The following HRH1 variants were observed in gnomAD, a reference collection of about 807,000 sequenced individuals.
HRH1 encodes histamine H1 receptor.
A neutral mutation model predicts 10.3 loss-of-function variants in HRH1; 6 were observed. That is an observed-to-expected ratio of 0.58 (90% CI 0.32 to 1.15). The LOEUF (loss-of-function observed/expected upper bound fraction) is 1.15. Among genes scored for constraint, HRH1 ranks in the 50% most tolerant of loss-of-function variants. The pLI is 0.05. For synonymous variants in HRH1, 242 were observed against 236.7 expected (o/e 1.02, Z -0.21); for missense variants, 514 against 615.3 (o/e 0.84, Z 1.74).
At chr3:11,255,675 A>T (rs189234830) in intron 1 of HRH1, among the ~76,000 whole-genome samples, 2 of 152,316 alleles carry the variant, frequency 1.3e-5, no homozygotes, top group African/African-American at 4.8e-5. Context: ...AACATTCCTT[A>T]GGTCTGGGAA....
At chr3:11,157,370 A>G (rs1936830953) in intron 1 of HRH1, among the ~76,000 whole-genome samples, 2 of 152,228 alleles carry the variant, frequency 1.3e-5, no homozygotes. Context: ...CAGGCCGGGA[A>G]TTAGCTATAA....
intron 1 of HRH1, among the ~76,000 whole-genome samples, chr3:11,244,062 G>A (rs750371719): frequency 6.6e-6 from 1 of 152,152 alleles, no homozygotes; most frequent in Non-Finnish European, 1.5e-5. Context: ...TCCAGAGGTG[G>A]GCAGTCCTCG....
At chr3:11,147,644 C>G (rs1936483960) in intron 1 of HRH1, among the ~76,000 whole-genome samples, 1 of 152,198 alleles carries the variant, frequency 6.6e-6, no homozygotes, top group Admixed American at 6.5e-5. Context: ...CTCTTAATAA[C>G]CGTTCCCTCA....
At chr3:11,202,053 G>C (rs913622170) in intron 1 of HRH1, among the ~76,000 whole-genome samples, 1 of 152,278 alleles carries the variant, frequency 6.6e-6, no homozygotes, top group African/African-American at 2.4e-5. Context: ...AATACATACG[G>C]TTGAGTTTTG....
intron 1 of HRH1, among the ~76,000 whole-genome samples, chr3:11,204,493 A>G (rs1938044125): frequency 1.3e-5 from 2 of 152,160 alleles, no homozygotes; most frequent in Non-Finnish European, 2.9e-5. Context: ...GAGCCTTCCC[A>G]GGACTCAGAA....
chr3:11,175,308 C>G (rs1206219875), intron 1 of HRH1, among the ~76,000 whole-genome samples: 5 of 152,216 alleles, frequency 3.3e-5, no homozygotes, highest in Admixed American at 2.6e-4. Flanking sequence ...GGTCATTTAG[C>G]TGGTAAGCAA....
intron 1 of HRH1, among the ~76,000 whole-genome samples, chr3:11,178,789 C>T (rs973568846): frequency 4.6e-5 from 7 of 152,108 alleles, no homozygotes; most frequent in East Asian, 1.9e-4. Flanking sequence ...TTCCTTCATA[C>T]GTCCCTTGTC....
At chr3:11,258,856 G>A (rs1939854524) in intron 1 of HRH1, 147 bp from the exon 2 acceptor site, 3 of 561,682 alleles carry the variant, frequency 5.3e-6, no homozygotes, top group African/African-American at 3.7e-5. Context: ...GCATGAATAA[G>A]GAAAAGGGTA....
upstream of HRH1, among the ~76,000 whole-genome samples, chr3:11,151,343 A>G (rs962219331): frequency 4.6e-5 from 7 of 152,240 alleles, no homozygotes; most frequent in Non-Finnish European, 1.0e-4. Flanking sequence ...ACAGAGGGAG[A>G]CAGATTTATG....
intron 1 of HRH1, among the ~76,000 whole-genome samples, chr3:11,201,339 A>G (rs1189381249): frequency 6.6e-6 from 1 of 152,214 alleles, no homozygotes; most frequent in African/African-American, 2.4e-5. Context: ...AAGCCCTTTC[A>G]TAGGCAAAGG....
chr3:11,233,362 T>G (rs1228523320), intron 1 of HRH1, among the ~76,000 whole-genome samples: 1 of 152,242 alleles, frequency 6.6e-6, no homozygotes, highest in Non-Finnish European at 1.5e-5. Context: ...GTTCACTGAT[T>G]CTTTCCTCTG....
chr3:11,153,486 C>G (rs1239413599), upstream of HRH1, among the ~76,000 whole-genome samples: 1 of 152,106 alleles, frequency 6.6e-6, no homozygotes, highest in Non-Finnish European at 1.5e-5. Flanking sequence ...TAAAATACCC[C>G]TCTGACCCCC....
intron 1 of HRH1, among the ~76,000 whole-genome samples, chr3:11,257,337 C>T (rs1939808110): frequency 2.7e-5 from 4 of 149,796 alleles, no homozygotes; most frequent in South Asian, 2.1e-4. Flanking sequence ...GGGTGGATCA[C>T]CTGAGGTCAG....
At chr3:11,219,950 GTTTTTTT>G (rs552227637) in intron 1 of HRH1, among the ~76,000 whole-genome samples, 1 of 110,362 alleles carries the variant, frequency 9.1e-6, no homozygotes, top group African/African-American at 3.6e-5. Flanking sequence ...TTAATGTGTT[GTTTTTTT>G]TTTTTTTTTT....
intron 1 of HRH1, among the ~76,000 whole-genome samples, chr3:11,224,699 C>CA (rs60472027): frequency 0.013 from 1,354 of 100,372 alleles, 21 homozygotes; most frequent in African/African-American, 0.048. Context: ...GACTCCATCT[C>CA]AAAAAAAAAA....
intron 1 of HRH1, among the ~76,000 whole-genome samples, chr3:11,242,523 C>T (rs1482170817): frequency 7.0e-6 from 1 of 143,148 alleles, no homozygotes; most frequent in Non-Finnish European, 1.5e-5. Flanking sequence ...GTAACACTCA[C>T]TGCAAAGGTC....
chr3:11,205,620 GCATGGGCAAGAGCTCTGTTCCC>G (rs1306844734), intron 1 of HRH1, among the ~76,000 whole-genome samples: 1 of 151,544 alleles, frequency 6.6e-6, no homozygotes, highest in African/African-American at 2.4e-5. Flanking sequence ...CCCATGTTTC[GCATGGGCAAGAGCTCTGTTCCC>G]CAGCCCCCAG....
At chr3:11,184,596 A>G (rs1937416570) in intron 1 of HRH1, among the ~76,000 whole-genome samples, 1 of 152,130 alleles carries the variant, frequency 6.6e-6, no homozygotes, top group Non-Finnish European at 1.5e-5. Flanking sequence ...CGCCGAGATA[A>G]TGATTTCCAA....
At position 11,228,445 on chromosome 3, in the gene HRH1, A is replaced by G. The variant is rs557063147; in HGVS notation, c.-35-30558A>G. Among the ~76,000 whole-genome samples the G allele has an allele frequency of 4.6e-5, 7 of 152,310 alleles. No homozygotes were observed. The South Asian group carries it at 1.0e-3, about 23-fold the overall frequency. The stretch of plus-strand genomic sequence containing the variant: ...CCCCAGACCAATTACACCAGAATCA[A>G]ATCCAGGAGTGGTGAGTCCTCAGCA... On this transcript the variant is annotated intron_variant, in intron 1 of 1. Coordinates refer to ENST00000431010, the MANE Select transcript of HRH1 (RefSeq NM_001098212.2).
Sources: gnomAD v4.1 joint callset for allele counts (sites outside exome capture counted in the v4.1 genomes callset) on GRCh38, gnomAD v4.1.1 for gene constraint, MANE v1.5 for transcripts, NCBI Gene and HGNC (gene_info 2026-07-23, HGNC 2026-07-21) for gene names.